The following PRPF8 variants were observed in gnomAD, a reference collection of about 807,000 sequenced individuals.
The protein encoded by PRPF8 is pre-mRNA processing factor 8, also known as pre-mRNA-processing-splicing factor 8.
Under a neutral mutation model 285.9 loss-of-function variants are expected in PRPF8, and 64 were observed. The ratio of observed to expected loss-of-function variants is 0.22; its 90% CI spans 0.18 to 0.28. PRPF8 has a LOEUF of 0.28. Ranked by LOEUF, PRPF8 falls within the 10% of genes least tolerant of loss-of-function variation. PRPF8 has a pLI of 1.00. For synonymous variants in PRPF8, 1,325 were observed against 1,118.2 expected (o/e 1.18, Z -3.69); for missense variants, 1,426 against 3,026.7 (o/e 0.47, Z 12.41).
At chr17:1,660,621 C>G (rs762116224) in intron 29 of PRPF8, 43 bp from the exon 30 acceptor site, 109 of 1,614,048 alleles carry the variant, frequency 6.8e-5, no homozygotes, top group Non-Finnish European at 8.8e-5. Flanking sequence ...TCAAGAGACT[C>G]GGGCGCTCAC....
chr17:1,669,700 C>T (rs1285199240), intron 24 of PRPF8, among the ~76,000 whole-genome samples: 1 of 152,320 alleles, frequency 6.6e-6, no homozygotes, highest in African/African-American at 2.4e-5. Context: ...ACTTTTCAGT[C>T]CTCATCTAAC....
In PRPF8 at chr17:1,674,694, A is replaced by G; in HGVS notation, c.3061-14T>C. On this transcript the variant is annotated splice_polypyrimidine_tract_variant and intron_variant, in intron 20 of 42. Coordinates refer to ENST00000304992, the MANE Select transcript of PRPF8 (RefSeq NM_006445.4). ...ATGGTTCATGTCCTAGAAAGAAAGAACTACAATTCTTAAGAATGTGAGCCA... is the reference window on the plus strand; with the variant it reads ...ATGGTTCATGTCCTAGAAAGAAAGAGCTACAATTCTTAAGAATGTGAGCCA... 1.2e-6 allele frequency: 2 copies of G among 1,607,530 alleles called. No homozygotes were observed. Among genetic ancestry groups the G allele is most frequent in the Non-Finnish European group, 1.7e-6 (2 of 1,174,258 alleles).
At chr17:1,678,952 T>C in intron 11 of PRPF8, 65 bp downstream of exon 11, 1 of 1,613,724 alleles carries the variant, frequency 6.2e-7, no homozygotes, top group East Asian at 2.2e-5. Context: ...CCTTCATCAG[T>C]AACCAGAGGA....
chr17:1,678,269 C>T (rs929675464), intron 13 of PRPF8, among the ~76,000 whole-genome samples: 1 of 151,958 alleles, frequency 6.6e-6, no homozygotes, highest in Middle Eastern at 3.2e-3. Flanking sequence ...GAGCCAAGAT[C>T]GTGCCATTGT....
At chr17:1,683,819 A>C (rs1913074251) in intron 2 of PRPF8, 118 bp from the exon 3 acceptor site, 2 of 1,200,680 alleles carry the variant, frequency 1.7e-6, no homozygotes, top group Admixed American at 3.9e-5. Context: ...CAGCAGGAAG[A>C]AGCACCCCTT....
chr17:1,663,168 T>G (rs185356964), intron 24 of PRPF8, among the ~76,000 whole-genome samples: 1 of 152,098 alleles, frequency 6.6e-6, no homozygotes, highest in African/African-American at 2.4e-5. Context: ...AAGTGAGCTA[T>G]GTATATACTG....
At position 1,658,122 on chromosome 17, in the gene PRPF8, G is replaced by T; in HGVS notation, c.5505+131C>A. ...GACCTCCCACAGAATACTTCCCAAG[G>T]TATTTTGGGGATAAGTTCAAATGAG... On this transcript the variant is annotated intron_variant, in intron 34 of 42. Transcript: ENST00000304992. The surrounding 1 kb of genome is among the most constrained non-coding windows in gnomAD (Gnocchi z 4.1). 7.4e-7 allele frequency: 1 copy of T among 1,348,508 alleles called. No homozygotes were observed. The highest frequency in any genetic ancestry group is 1.0e-6 in the Non-Finnish European group (1 of 962,664). The allele number at this position is 1,348,508 out of a possible 1,614,324, so 83.5% of individuals were successfully genotyped here. A position where few individuals can be genotyped will look rare whatever the true frequency, so the allele number is the denominator to read the frequency against.
At position 1,675,519 on chromosome 17, in the gene PRPF8, G is replaced by C. The variant is rs968591246; in HGVS notation, c.2872+101C>G. 6 of 1,500,286 alleles carry C rather than the reference G, an allele frequency of 4.0e-6. No individual in the cohort carries two copies. In the East Asian group the frequency reaches 6.8e-5, roughly 17 times the overall value. The allele number at this position is 1,500,286 out of a possible 1,614,324, so 92.9% of individuals were successfully genotyped here. A position where few individuals can be genotyped will look rare whatever the true frequency, so the allele number is the denominator to read the frequency against. ...GAACACTACTTCCCTTTACTACCAC[G>C]CATCAAGAGAGTAAACCAATCATGC... On this transcript the variant is annotated intron_variant, in intron 19 of 42. Transcript: ENST00000304992. This position sits in a 1 kb window ranked among gnomAD's most constrained non-coding sequence, Gnocchi z 6.0.
rs761317684 is a variant in PRPF8 at position 1,651,804 on chromosome 17, T to TC, written c.6370-17dup. 31 of 1,613,406 alleles carry TC rather than the reference T, an allele frequency of 1.9e-5. No individual in the cohort carries two copies. The highest frequency in any genetic ancestry group is 2.5e-5 in the Non-Finnish European group (30 of 1,179,728). ...ATCCTGCAATCTGGAGACAAAGGGG[T>TC]CAGGAACCAAAACTCTTCTTAGTAC... On this transcript the variant is annotated splice_polypyrimidine_tract_variant and intron_variant, in intron 39 of 42. Coordinates refer to ENST00000304992, the MANE Select transcript of PRPF8 (RefSeq NM_006445.4). The surrounding 1 kb of genome is among the most constrained non-coding windows in gnomAD (Gnocchi z 5.1).
chr17:1,659,720 C>T lies in PRPF8; in HGVS notation c.4946+121G>A, dbSNP rs183175744. On this transcript the variant is annotated intron_variant, in intron 31 of 42. Transcript: ENST00000304992. The surrounding 1 kb of genome is among the most constrained non-coding windows in gnomAD (Gnocchi z 5.1). ...ACTAAGGGTGTTGACAGGCTCCAAG[C>T]GTAGCACTGGCTCCAAGTTTGAAAC... 6 of 1,398,010 alleles carry T rather than the reference C, an allele frequency of 4.3e-6. No individual in the cohort carries two copies. The highest frequency in any genetic ancestry group is 5.9e-6 in the Non-Finnish European group (6 of 1,010,704). The allele number at this position is 1,398,010 out of a possible 1,614,324, so 86.6% of individuals were successfully genotyped here. A position where few individuals can be genotyped will look rare whatever the true frequency, so the allele number is the denominator to read the frequency against.
chr17:1,659,924 C>T lies in PRPF8; in HGVS notation c.4863G>A (p.Lys1621=). The change falls in exon 31 of 43, where the codon AAG becomes AAA. Residue 1621 remains lysine (K), a synonymous_variant. Coordinates refer to ENST00000304992, the MANE Select transcript of PRPF8 (RefSeq NM_006445.4). This position sits in a 1 kb window ranked among gnomAD's most constrained non-coding sequence, Gnocchi z 5.1. ...GGATATCTGCACAGGAAGAGTTCAT[C>T]TTATATGACTTTCGGGGATGGATTG... ...KETIHPRKSY[K]MNSSCADILL... is the part of the protein sequence containing the mutation. 2 of 1,614,090 alleles carry T rather than the reference C, an allele frequency of 1.2e-6. No homozygotes were observed. Among genetic ancestry groups the T allele is most frequent in the Non-Finnish European group, 1.7e-6 (2 of 1,179,948 alleles).
At chr17:1,684,382 C>T in intron 2 of PRPF8, 90 bp downstream of exon 2, 4 of 1,285,462 alleles carry the variant, frequency 3.1e-6, no homozygotes, top group Admixed American at 1.8e-5. Flanking sequence ...ACCTCAGGAG[C>T]TGCCCAAACG....
chr17:1,667,341 G>A (rs902233444), intron 24 of PRPF8, among the ~76,000 whole-genome samples: 3 of 152,278 alleles, frequency 2.0e-5, no homozygotes, highest in African/African-American at 7.2e-5. Flanking sequence ...TCCCTGAAGG[G>A]GAGGAGGCAT....
Position 1,684,538 on chromosome 17 carries a change from T to A in PRPF8, c.34A>T (p.Asn12Tyr). 5 of 1,612,582 alleles carry A rather than the reference T, an allele frequency of 3.1e-6. No homozygotes were observed. The highest frequency in any genetic ancestry group is 8.5e-7 in the Non-Finnish European group (1 of 1,179,878). The change falls in exon 2 of 43, where the codon AAC (asparagine) becomes TAC (tyrosine). Residue 12 changes from asparagine (N) to tyrosine (Y), a missense_variant. Physicochemically the swap from Asn to Tyr is moderately radical, Grantham distance 143. This residue lies in a region of PRPF8 where 72 missense variants were observed against 80.0 expected (regional missense o/e 0.90). Transcript: ENST00000304992. ...GGGGCTAGAGGGCCAGGCACCGGGT[T>A]ACCCGGCCCTCGATAAGGAAACACT... is the stretch of plus-strand genomic sequence containing the variant. ...AGVFPYRGPG[N>Y]PVPGPLAPLP...
At chr17:1,683,939 T>C (rs535066685) in intron 2 of PRPF8, among the ~76,000 whole-genome samples, 3 of 150,502 alleles carry the variant, frequency 2.0e-5, no homozygotes, top group South Asian at 4.2e-4. Flanking sequence ...CAGGCTGGAG[T>C]GCAATGGTGC....
chr17:1,678,270 G>A (rs1173963108), intron 13 of PRPF8, among the ~76,000 whole-genome samples: 7 of 152,038 alleles, frequency 4.6e-5, no homozygotes, highest in Admixed American at 2.6e-4. Flanking sequence ...AGCCAAGATC[G>A]TGCCATTGTA....
At chr17:1,671,209 C>G (rs1912297675) in intron 24 of PRPF8, among the ~76,000 whole-genome samples, 2 of 152,172 alleles carry the variant, frequency 1.3e-5, no homozygotes, top group Non-Finnish European at 2.9e-5. Flanking sequence ...TTCAGGAATC[C>G]TTTCCTCTTC....
chr17:1,651,358 G>A lies in PRPF8; in HGVS notation c.6651-48C>T, dbSNP rs760101491. ...GTAACAGCTCAGGCCACTGTTCTGGGCCCTGGCCTGCAATCCCTGCCCCAC... is the reference window on the plus strand; with the variant it reads ...GTAACAGCTCAGGCCACTGTTCTGGACCCTGGCCTGCAATCCCTGCCCCAC... On this transcript the variant is annotated intron_variant, in intron 41 of 42. Coordinates refer to ENST00000304992, the MANE Select transcript of PRPF8 (RefSeq NM_006445.4). The surrounding 1 kb of genome is among the most constrained non-coding windows in gnomAD (Gnocchi z 5.1). 49 of 1,613,836 alleles carry A rather than the reference G, an allele frequency of 3.0e-5. 1 individual carries two copies. In the South Asian group the frequency reaches 5.3e-4, roughly 17 times the overall value.
intron 24 of PRPF8, among the ~76,000 whole-genome samples, chr17:1,671,850 CAAAAAAAAAAAA>C (rs1225346730): frequency 6.0e-5 from 3 of 49,818 alleles, no homozygotes; most frequent in Admixed American, 4.3e-4. Context: ...GACTCCATCT[CAAAAAAAAAAAA>C]AAAAAAAAAA....
Sources: gnomAD v4.1 joint callset for allele counts (sites outside exome capture counted in the v4.1 genomes callset) on GRCh38, gnomAD v4.1.1 for gene constraint, gnomAD v4.1.1 regional missense constraint, Gnocchi (gnomAD v3.1) non-coding constraint, MANE v1.5 for transcripts, NCBI Gene and HGNC (gene_info 2026-07-23, HGNC 2026-07-21) for gene names.